SPPL3: variants seen among roughly 807,000 people sequenced by gnomAD.
The protein encoded by SPPL3 is signal peptide peptidase like 3.
In SPPL3, 5 loss-of-function variants were observed where a neutral mutation model predicts 42.4. That is an observed-to-expected ratio of 0.12 (90% CI 0.06 to 0.25). The LOEUF (loss-of-function observed/expected upper bound fraction) is 0.25, where lower values mean the gene tolerates loss of function less well. Ranked by LOEUF, SPPL3 falls within the 10% of genes least tolerant of loss-of-function variation. SPPL3 has a pLI of 1.00. For synonymous variants in SPPL3, 195 were observed against 181.8 expected, an observed-to-expected ratio of 1.07 and a Z score of -0.58; for missense variants, 235 against 489.0, an observed-to-expected ratio of 0.48 and a Z score of 4.90.
At chr12:120,855,527 A>T (rs963550731) in intron 1 of SPPL3, among the ~76,000 whole-genome samples, 4 of 151,998 alleles carry the variant, frequency 2.6e-5, no homozygotes, top group African/African-American at 9.7e-5. Flanking sequence ...GTATCTACTA[A>T]AATACAAAAA....
intron 2 of SPPL3, among the ~76,000 whole-genome samples, chr12:120,804,615 T>C (rs1023944263): frequency 1.3e-5 from 2 of 152,132 alleles, no homozygotes; most frequent in African/African-American, 4.8e-5. Flanking sequence ...GGTGAAGAAG[T>C]GGAGAAATTG....
intron 2 of SPPL3, among the ~76,000 whole-genome samples, chr12:120,803,877 G>A (rs1854724843): frequency 8.0e-6 from 1 of 125,350 alleles, no homozygotes; most frequent in South Asian, 3.0e-4. Context: ...ATGACAAAAA[G>A]GGTAGCTCAA....
At chr12:120,787,812 T>C (rs1196967648) in intron 3 of SPPL3, among the ~76,000 whole-genome samples, 1 of 152,228 alleles carries the variant, frequency 6.6e-6, no homozygotes, top group Non-Finnish European at 1.5e-5. Flanking sequence ...GTCTGGCTTC[T>C]TTGACTCAAT....
chr12:120,806,654 T>G (rs1264056458), intron 2 of SPPL3, among the ~76,000 whole-genome samples: 1 of 151,812 alleles, frequency 6.6e-6, no homozygotes, highest in Non-Finnish European at 1.5e-5. Context: ...CGAGACCATC[T>G]TGGCAAACAC....
At chr12:120,766,613 C>G (rs938348087) in intron 9 of SPPL3, among the ~76,000 whole-genome samples, 1 of 152,242 alleles carries the variant, frequency 6.6e-6, no homozygotes, top group African/African-American at 2.4e-5. Context: ...TTCCTGGGTT[C>G]AAACCCTCCT....
chr12:120,772,548 T>C (rs1453767224), intron 6 of SPPL3, among the ~76,000 whole-genome samples: 1 of 152,222 alleles, frequency 6.6e-6, no homozygotes, highest in African/African-American at 2.4e-5. Flanking sequence ...AAAACTGTGT[T>C]CTATTAACTT....
At chr12:120,884,957 A>G (rs1327415747) in intron 1 of SPPL3, among the ~76,000 whole-genome samples, 4 of 152,094 alleles carry the variant, frequency 2.6e-5, no homozygotes, top group Non-Finnish European at 4.4e-5. Flanking sequence ...TTTATCCCCT[A>G]AAGGAATGGC....
At chr12:120,803,057 T>C (rs969377372) in intron 2 of SPPL3, among the ~76,000 whole-genome samples, 1 of 152,212 alleles carries the variant, frequency 6.6e-6, no homozygotes, top group African/African-American at 2.4e-5. Flanking sequence ...AGGATAAAAG[T>C]CTGTCTGATC....
chr12:120,780,578 G>A (rs1869493356), intron 6 of SPPL3, among the ~76,000 whole-genome samples: 2 of 134,652 alleles, frequency 1.5e-5, no homozygotes, highest in Non-Finnish European at 3.1e-5. Flanking sequence ...AAGACACCCT[G>A]TCTCTATTTA....
Position 120,767,456 on chromosome 12 carries a change from T to G in SPPL3, c.911A>C (p.Asn304Thr), listed in dbSNP as rs148325902. ...GDSCGAPGPA[N>T]ISGRMQKVSY... ...GACCTTCTGCATGCGCCCGGAGATG[T>G]TGGCAGGTCCAGGGGCCCCACAGGA... The change falls in exon 9 of 11, where the codon AAC (asparagine) becomes ACC (threonine). Residue 304 changes from asparagine to threonine, a missense_variant. Asn to Thr is a moderately conservative substitution (Grantham distance 65). Transcript: ENST00000353487. 1.2e-6 allele frequency: 2 copies of G among 1,614,138 alleles called. No homozygotes were observed. The highest frequency in any genetic ancestry group is 1.3e-5 in the African/African-American group (1 of 75,044).
At chr12:120,832,965 G>A (rs1201590623) in intron 1 of SPPL3, among the ~76,000 whole-genome samples, 1 of 152,134 alleles carries the variant, frequency 6.6e-6, no homozygotes, top group Admixed American at 6.5e-5. Flanking sequence ...CACTGCTTCT[G>A]AGTCAAGATT....
chr12:120,885,566 C>T (rs1873426597), intron 1 of SPPL3, among the ~76,000 whole-genome samples: 1 of 152,134 alleles, frequency 6.6e-6, no homozygotes, highest in South Asian at 2.1e-4. Flanking sequence ...ATGGTCAAAT[C>T]CTGTTAAAGT....
At chr12:120,819,182 G>A (rs1870974489) in intron 1 of SPPL3, among the ~76,000 whole-genome samples, 1 of 152,056 alleles carries the variant, frequency 6.6e-6, no homozygotes, top group African/African-American at 2.4e-5. Flanking sequence ...ATTTCTTAAA[G>A]GTTTACTGCA....
intron 1 of SPPL3, among the ~76,000 whole-genome samples, chr12:120,864,520 G>A (rs563259274): frequency 1.1e-4 from 17 of 152,220 alleles, no homozygotes; most frequent in Admixed American, 7.2e-4. Flanking sequence ...AGACAAGAAC[G>A]AAACCCCATC....
intron 2 of SPPL3, among the ~76,000 whole-genome samples, chr12:120,806,296 T>C (rs978074132): frequency 6.7e-6 from 1 of 150,338 alleles, no homozygotes; most frequent in African/African-American, 2.4e-5. Flanking sequence ...CACCTGGGGC[T>C]CAGGTGATCC....
chr12:120,807,617 T>C (rs1490327995), intron 2 of SPPL3, among the ~76,000 whole-genome samples: 2 of 148,214 alleles, frequency 1.3e-5, no homozygotes, highest in Non-Finnish European at 3.0e-5. Flanking sequence ...GAGGTTGTGG[T>C]GAGCAGAGAT....
At chr12:120,821,295 A>G (rs913351659) in intron 1 of SPPL3, among the ~76,000 whole-genome samples, 1 of 152,256 alleles carries the variant, frequency 6.6e-6, no homozygotes, top group Admixed American at 6.5e-5. Flanking sequence ...CCTCTAAGAC[A>G]GGTCCTCACA....
At chr12:120,838,145 G>C (rs541432185) in intron 1 of SPPL3, among the ~76,000 whole-genome samples, 2 of 152,120 alleles carry the variant, frequency 1.3e-5, no homozygotes, top group African/African-American at 4.8e-5. Flanking sequence ...CCAAAACAAG[G>C]AAGAATAAAA....
At chr12:120,775,624 T>A (rs1206415405) in intron 6 of SPPL3, among the ~76,000 whole-genome samples, 1 of 152,192 alleles carries the variant, frequency 6.6e-6, no homozygotes, top group Non-Finnish European at 1.5e-5. Flanking sequence ...GGTTCTATGA[T>A]CCTTGATCAC....
Sources: allele counts gnomAD v4.1 joint callset (sites outside exome capture counted in the v4.1 genomes callset), GRCh38; gene constraint gnomAD v4.1.1; transcripts MANE v1.5; gene names NCBI Gene and HGNC (gene_info 2026-07-23, HGNC 2026-07-21).